The following BANK1 variants were observed in gnomAD, a reference collection of about 807,000 sequenced individuals.
BANK1 encodes the protein B cell scaffold protein with ankyrin repeats 1.
Under a neutral mutation model 94.5 loss-of-function variants are expected in BANK1, and 95 were observed. That is an observed-to-expected ratio of 1.00 (90% CI 0.85 to 1.19). The LOEUF (loss-of-function observed/expected upper bound fraction) is 1.19, where lower values mean the gene tolerates loss of function less well. Among genes scored for constraint, BANK1 ranks in the 50% most tolerant of loss-of-function variants. The probability of loss-of-function intolerance (pLI) is 0.00; values close to 1 mark genes in which losing one functional copy is unlikely to be tolerated. For synonymous variants in BANK1, 334 were observed against 308.4 expected (o/e 1.08, Z -0.87); for missense variants, 987 against 932.2 (o/e 1.06, Z -0.77).
rs147632896 is a variant in BANK1 at position 102,042,380 on chromosome 4, T to C, written c.1901-1459T>C. Among the ~76,000 whole-genome samples, 922 of 152,064 alleles carry C rather than the reference T, an allele frequency of 6.1e-3. 11 individuals carry two copies. The highest frequency in any genetic ancestry group is 0.021 in the African/African-American group (876 of 41,492). ...GTACTAACTTGAAGCAGAAAACTGG[T>C]TTTCAACCAAAAATATGATTTTATG... On this transcript the variant is annotated intron_variant, in intron 10 of 16. Transcript: ENST00000322953.
intron 11 of BANK1, among the ~76,000 whole-genome samples, chr4:102,055,950 A>C (rs1728214440): frequency 6.6e-6 from 1 of 151,912 alleles, no homozygotes; most frequent in Admixed American, 6.6e-5. Context: ...TCACTTGGGA[A>C]AAAAAAAGAT....
At chr4:101,934,908 C>T (rs917928161) in intron 7 of BANK1, among the ~76,000 whole-genome samples, 2 of 151,484 alleles carry the variant, frequency 1.3e-5, no homozygotes, top group Non-Finnish European at 3.0e-5. Flanking sequence ...ACAGCAGTAC[C>T]ATGGCTAACT....
At chr4:101,815,604 T>C (rs1054671745) in intron 1 of BANK1, among the ~76,000 whole-genome samples, 1 of 152,140 alleles carries the variant, frequency 6.6e-6, no homozygotes, top group African/African-American at 2.4e-5. Flanking sequence ...TTGATAGATA[T>C]AATAGATTTG....
chr4:101,936,498 G>A (rs1723562401), intron 7 of BANK1, among the ~76,000 whole-genome samples: 1 of 149,882 alleles, frequency 6.7e-6, no homozygotes, highest in Non-Finnish European at 1.5e-5. Flanking sequence ...ATACATATAT[G>A]TATAAGATGT....
chr4:101,968,949 G>A (rs1483347534), intron 7 of BANK1, among the ~76,000 whole-genome samples: 1 of 152,064 alleles, frequency 6.6e-6, no homozygotes, highest in East Asian at 1.9e-4. Flanking sequence ...GTCTAGATGA[G>A]AAACCATGTC....
chr4:101,796,869 A>G (rs1725173807), intron 1 of BANK1, among the ~76,000 whole-genome samples: 1 of 152,198 alleles, frequency 6.6e-6, no homozygotes, highest in Non-Finnish European at 1.5e-5. Context: ...AAATGTCACA[A>G]AACATATTTA....
At chr4:101,794,502 C>G (rs1428632740) in intron 1 of BANK1, among the ~76,000 whole-genome samples, 1 of 152,010 alleles carries the variant, frequency 6.6e-6, no homozygotes, top group African/African-American at 2.4e-5. Context: ...TTGGAGATAG[C>G]TATGAAATAA....
Position 101,982,594 on chromosome 4 carries a change from C to T in BANK1, c.1207-38920C>T, listed in dbSNP as rs559948951. 3.3e-5 allele frequency among the ~76,000 whole-genome samples: 5 copies of T among 151,966 alleles called. No individual in the cohort carries two copies. In the South Asian group the frequency reaches 6.2e-4, roughly 19 times the overall value. On this transcript the variant is annotated intron_variant, in intron 7 of 16. Coordinates refer to ENST00000322953, the MANE Select transcript of BANK1 (RefSeq NM_017935.5). ...TAACTTTTTAAAGCACTTTTTTATTCGGCAAAAGTACTTACTATAGTACTT... is the reference window on the plus strand; with the variant it reads ...TAACTTTTTAAAGCACTTTTTTATTTGGCAAAAGTACTTACTATAGTACTT...
Position 102,025,261 on chromosome 4 carries a change from G to T in BANK1, c.1346G>T (p.Gly449Val), listed in dbSNP as rs375068296. The stretch of plus-strand genomic sequence containing the variant: ...AAGACATACGGGCAGAGTGCAGATG[G>T]AGCTGAGGCAAATGAAATGGAAGGG... ...SRKTYGQSAD[G>V]AEANEMEGEG... The change falls in exon 9 of 17, where the codon GGA becomes GTA. Residue 449 changes from glycine (G) to valine (V), a missense_variant. Coordinates refer to ENST00000322953, the MANE Select transcript of BANK1 (RefSeq NM_017935.5). 1.9e-6 allele frequency: 3 copies of T among 1,614,032 alleles called. No homozygotes were observed. Among genetic ancestry groups the T allele is most frequent in the African/African-American group, 2.7e-5 (2 of 74,904 alleles).
chr4:101,836,577 A>G (rs1726838228), intron 2 of BANK1, among the ~76,000 whole-genome samples: 1 of 152,156 alleles, frequency 6.6e-6, no homozygotes. Flanking sequence ...GAAAGGACAA[A>G]TTGTGTTTTT....
chr4:102,025,627 C>T, intron 9 of BANK1, 118 bp downstream of exon 9: 1 of 906,734 alleles, frequency 1.1e-6, no homozygotes, highest in Non-Finnish European at 1.6e-6. Flanking sequence ...AAACCAATAG[C>T]AACATTCTTC....
chr4:101,838,501 A>G (rs1399827548), intron 2 of BANK1, among the ~76,000 whole-genome samples: 2 of 152,040 alleles, frequency 1.3e-5, no homozygotes, highest in East Asian at 3.8e-4. Context: ...TCAATTCCAC[A>G]TGGGAAATGA....
At chr4:101,895,231 G>T in intron 5 of BANK1, 74 bp from the exon 6 acceptor site, 1 of 770,650 alleles carries the variant, frequency 1.3e-6, no homozygotes, top group Non-Finnish European at 2.1e-6. Context: ...ATAAATTTTT[G>T]TTAAATTGCA....
At chr4:101,989,712 ATT>A (rs954965926) in intron 7 of BANK1, among the ~76,000 whole-genome samples, 2 of 151,474 alleles carry the variant, frequency 1.3e-5, no homozygotes, top group Non-Finnish European at 2.9e-5. Context: ...CAGCCTCTCC[ATT>A]TGGGGCTGTC....
chr4:102,051,948 C>G (rs1441849588), intron 11 of BANK1, among the ~76,000 whole-genome samples: 3 of 152,084 alleles, frequency 2.0e-5, no homozygotes, highest in African/African-American at 7.2e-5. Flanking sequence ...GTGGCAGCTG[C>G]ATTAGACAAA....
intron 4 of BANK1, among the ~76,000 whole-genome samples, chr4:101,866,046 G>T (rs1728057296): frequency 6.6e-6 from 1 of 151,706 alleles, no homozygotes. Context: ...CTAAAGACAA[G>T]ATAAAACACA....
intron 2 of BANK1, among the ~76,000 whole-genome samples, chr4:101,831,408 T>G (rs115053213): frequency 0.015 from 2,334 of 152,262 alleles, 36 homozygotes; most frequent in Non-Finnish European, 0.024. Context: ...GAAAACAACT[T>G]TCTTCTTACC....
chr4:101,894,648 G>A (rs1043437456), intron 5 of BANK1, among the ~76,000 whole-genome samples: 4 of 151,758 alleles, frequency 2.6e-5, no homozygotes, highest in African/African-American at 4.8e-5. Context: ...GAGCAATTTC[G>A]TCCCAGTCAT....
intron 7 of BANK1, among the ~76,000 whole-genome samples, chr4:102,006,422 C>T (rs1431775888): frequency 2.0e-5 from 3 of 151,956 alleles, no homozygotes; most frequent in Admixed American, 2.0e-4. Context: ...AAGCTCCCCA[C>T]ATAAATTTAA....
Sources: allele counts gnomAD v4.1 joint callset (sites outside exome capture counted in the v4.1 genomes callset), GRCh38; gene constraint gnomAD v4.1.1; transcripts MANE v1.5; gene names NCBI Gene and HGNC (gene_info 2026-07-23, HGNC 2026-07-21).